The following PARD3B variants were observed in gnomAD, a reference collection of about 807,000 sequenced individuals.
PARD3B encodes par-3 family cell polarity regulator beta, also known as partitioning defective 3 homolog B.
PARD3B carries 103 observed loss-of-function variants against 130.2 expected under a neutral mutation model. That is an observed-to-expected ratio of 0.79 (90% CI 0.67 to 0.93). The LOEUF (loss-of-function observed/expected upper bound fraction) is 0.93. PARD3B is among the 40% of genes least tolerant of loss of function. The pLI, the probability that PARD3B is intolerant of heterozygous loss-of-function variation, is 0.00. For synonymous variants in PARD3B, 583 were observed against 553.2 expected, an observed-to-expected ratio of 1.05 and a Z score of -0.76; for missense variants, 1,609 against 1,499.2, an observed-to-expected ratio of 1.07 and a Z score of -1.21.
At chr2:205,413,923 A>G (rs144478445) in intron 19 of PARD3B, among the ~76,000 whole-genome samples, 2 of 152,304 alleles carry the variant, frequency 1.3e-5, no homozygotes, top group East Asian at 3.9e-4. Context: ...TAACCTTTTA[A>G]AATGGAAGAT....
In PARD3B at chr2:205,292,050, A is replaced by G. The variant is rs918781121; in HGVS notation, c.2186-8480A>G. On this transcript the variant is annotated intron_variant, in intron 16 of 22. Coordinates refer to ENST00000406610, the MANE Select transcript of PARD3B (RefSeq NM_001302769.2). The surrounding 1 kb of genome is among the most constrained non-coding windows in gnomAD (Gnocchi z 5.3). ...CAGTGCATGCTGCATAGGGCAGCCA[A>G]ACACCACTGGGTTCTATTCCTTGTG... Among the ~76,000 whole-genome samples, 1 of 152,162 alleles carries G rather than the reference A, an allele frequency of 6.6e-6. No homozygotes were observed. The highest frequency in any genetic ancestry group is 1.5e-5 in the Non-Finnish European group (1 of 68,010).
chr2:204,935,668 G>A (rs1164274536), intron 2 of PARD3B, among the ~76,000 whole-genome samples: 1 of 152,008 alleles, frequency 6.6e-6, no homozygotes, highest in Non-Finnish European at 1.5e-5. Flanking sequence ...ATTTTGTCAA[G>A]TATATCATGT....
intron 14 of PARD3B, among the ~76,000 whole-genome samples, chr2:205,186,266 A>G (rs1022244607): frequency 6.6e-6 from 1 of 152,198 alleles, no homozygotes; most frequent in Non-Finnish European, 1.5e-5. Context: ...TAGATGTTCC[A>G]AGAAAGTTAA....
chr2:204,886,268 C>T (rs188484390), intron 2 of PARD3B, among the ~76,000 whole-genome samples: 285 of 152,200 alleles, frequency 1.9e-3, no homozygotes, highest in African/African-American at 6.3e-3. Context: ...AAACCAGAGT[C>T]GAAAATTAGG....
At chr2:204,843,918 G>A (rs539689176) in intron 2 of PARD3B, among the ~76,000 whole-genome samples, 1 of 151,944 alleles carries the variant, frequency 6.6e-6, no homozygotes, top group Admixed American at 6.5e-5. Flanking sequence ...ATTTTTTTGC[G>A]ACCTGACATC....
intron 1 of PARD3B, among the ~76,000 whole-genome samples, chr2:204,658,713 G>GT (rs1286140693): frequency 6.6e-6 from 1 of 152,010 alleles, no homozygotes; most frequent in African/African-American, 2.4e-5. Context: ...TAGAAAATAT[G>GT]TGAAAAGCTC....
chr2:204,687,059 T>C (rs1225735055), intron 2 of PARD3B, among the ~76,000 whole-genome samples: 3 of 152,184 alleles, frequency 2.0e-5, no homozygotes, highest in African/African-American at 7.2e-5. Flanking sequence ...GTGCTGTTTG[T>C]ACAAGGCTAA....
intron 1 of PARD3B, among the ~76,000 whole-genome samples, chr2:204,608,974 T>C (rs971347991): frequency 2.6e-5 from 4 of 152,234 alleles, no homozygotes; most frequent in Non-Finnish European, 5.9e-5. Context: ...TGTATAATTA[T>C]GGCTATTCAG....
At chr2:205,065,015 T>C (rs1700279889) in intron 4 of PARD3B, among the ~76,000 whole-genome samples, 1 of 152,198 alleles carries the variant, frequency 6.6e-6, no homozygotes, top group South Asian at 2.1e-4. Context: ...TCTGGGAATC[T>C]GCATCTTAGA....
intron 20 of PARD3B, among the ~76,000 whole-genome samples, chr2:205,450,466 CTTTTTTT>C (rs869229400): frequency 3.4e-4 from 27 of 78,386 alleles, no homozygotes; most frequent in African/African-American, 1.3e-3. Context: ...AGTGCAGATT[CTTTTTTT>C]TTTTTTTTTT....
intron 16 of PARD3B, among the ~76,000 whole-genome samples, chr2:205,250,131 T>A (rs1193491855): frequency 2.0e-5 from 3 of 152,062 alleles, no homozygotes; most frequent in Non-Finnish European, 2.9e-5. Flanking sequence ...TTCTTTCTTA[T>A]TTTCTTTCTG....
intron 4 of PARD3B, among the ~76,000 whole-genome samples, chr2:205,072,240 C>CTTTTTTTTTTTTTTTTTT (rs34061560): frequency 7.1e-6 from 1 of 140,532 alleles, no homozygotes; most frequent in Non-Finnish European, 1.6e-5. Context: ...AATTCAGGTC[C>CTTTTTTTTTTTTTTTTTT]TTTTTTTTTT....
intron 16 of PARD3B, among the ~76,000 whole-genome samples, chr2:205,262,391 T>C (rs2040348592): frequency 6.6e-6 from 1 of 152,088 alleles, no homozygotes; most frequent in Non-Finnish European, 1.5e-5. Flanking sequence ...CCTTTGTTTC[T>C]ATAAATTAAA....
At chr2:205,536,027 G>GA (rs2051838505) in intron 21 of PARD3B, among the ~76,000 whole-genome samples, 2 of 152,184 alleles carry the variant, frequency 1.3e-5, no homozygotes, top group Admixed American at 1.3e-4. Context: ...CAGGCCTAAT[G>GA]AAAATTGGAA....
Position 205,325,174 on chromosome 2 carries a change from T to C in PARD3B, c.2630+23473T>C, listed in dbSNP as rs776521717. Among the ~76,000 whole-genome samples, 1 of 152,190 alleles carries C rather than the reference T, an allele frequency of 6.6e-6. No homozygotes were observed. Among genetic ancestry groups the C allele is most frequent in the Non-Finnish European group, 1.5e-5 (1 of 68,026 alleles). ...TGCCCATCTGATCTTCACAAACATA[T>C]ATTTGATCTTCTACCAAAATTTTTG... On this transcript the variant is annotated intron_variant, in intron 18 of 22. Transcript: ENST00000406610. The surrounding 1 kb of genome is among the most constrained non-coding windows in gnomAD (Gnocchi z 4.1).
Position 204,545,845 on chromosome 2 carries a change from G to A in PARD3B, c.-155G>A, listed in dbSNP as rs1293247730. 7.6e-6 allele frequency: 6 copies of A among 784,424 alleles called. No individual in the cohort carries two copies. The highest frequency in any genetic ancestry group is 1.1e-5 in the Non-Finnish European group (6 of 546,768). The allele number at this position is 784,424 out of a possible 1,614,324, so 48.6% of individuals were successfully genotyped here. On this transcript the variant is annotated 5_prime_UTR_variant, in exon 1 of 23. Coordinates refer to ENST00000406610, the MANE Select transcript of PARD3B (RefSeq NM_001302769.2). Reference sequence around the variant, plus strand: ...CCTGCCGCCTGGCCAGGTGGAAGGGGCGCTGCCGCGAGCCTCCGGGCCTCA... The same window carrying A: ...CCTGCCGCCTGGCCAGGTGGAAGGGACGCTGCCGCGAGCCTCCGGGCCTCA...
In PARD3B at chr2:204,941,379, G is replaced by A. The variant is rs375637604; in HGVS notation, c.223-23773G>A. 3.3e-5 allele frequency among the ~76,000 whole-genome samples: 5 copies of A among 152,224 alleles called. No individual in the cohort carries two copies. In the South Asian group the frequency reaches 1.0e-3, roughly 32 times the overall value. On this transcript the variant is annotated intron_variant, in intron 2 of 22. Transcript: ENST00000406610. ...ACAGAGCGAGACTCTGTCTAAAGAA[G>A]AAAAAGGAAAGTTCTAACACCTTAA...
chr2:205,387,018 A>T (rs1328508221), intron 18 of PARD3B, among the ~76,000 whole-genome samples: 2 of 152,246 alleles, frequency 1.3e-5, no homozygotes, highest in African/African-American at 4.8e-5. Context: ...TTTATTGAAC[A>T]AGCTTATTTT....
rs1033450685 is a variant in PARD3B, at chr2:204,799,395, G to A, written c.222+113113G>A. Reference sequence around the variant, plus strand: ...AGATTCCTAAGGTTTCTGACTCCAGGTGCTGGCTTCTGGACAGCATTCCTG... The same window carrying A: ...AGATTCCTAAGGTTTCTGACTCCAGATGCTGGCTTCTGGACAGCATTCCTG... On this transcript the variant is annotated intron_variant, in intron 2 of 22. Coordinates refer to ENST00000406610, the MANE Select transcript of PARD3B (RefSeq NM_001302769.2). The surrounding 1 kb of genome is among the most constrained non-coding windows in gnomAD (Gnocchi z 4.1). Among the ~76,000 whole-genome samples the A allele has an allele frequency of 6.6e-6, 1 of 152,186 alleles. No homozygotes were observed. The highest frequency in any genetic ancestry group is 2.4e-5 in the African/African-American group (1 of 41,444).
Sources: gnomAD v4.1 joint callset for allele counts (sites outside exome capture counted in the v4.1 genomes callset) on GRCh38, gnomAD v4.1.1 for gene constraint, Gnocchi (gnomAD v3.1) non-coding constraint, MANE v1.5 for transcripts, NCBI Gene and HGNC (gene_info 2026-07-23, HGNC 2026-07-21) for gene names.